The following DMD variants were observed in gnomAD, a reference collection of about 807,000 sequenced individuals.
DMD encodes mutant dystrophin.
DMD carries 63 observed loss-of-function variants against 330.1 expected under a neutral mutation model. The observed-to-expected ratio is 0.19, with a 90% CI of 0.16 to 0.24. DMD has a LOEUF of 0.24. DMD is among the 10% of genes least tolerant of loss of function. The pLI, the probability that DMD is intolerant of heterozygous loss-of-function variation, is 1.00. For missense variants in DMD, 3,344 were observed against 2,684.1 expected, an observed-to-expected ratio of 1.25 and a Z score of -5.43; for synonymous variants, 1,223 against 959.8, an observed-to-expected ratio of 1.27 and a Z score of -5.07.
intron 44 of DMD, chrX:32,151,519 A>C (rs2147166901): frequency 8.9e-6 from 1 of 111,760 alleles, no homozygotes; most frequent in East Asian, 2.8e-4. Flanking sequence ...CAGACCATGA[A>C]ACAAGACTAC....
Position 31,290,155 on chromosome X carries a change from A to C in DMD, c.9225-29139T>G, listed in dbSNP as rs903909030. 8.2e-5 allele frequency among the ~76,000 whole-genome samples: 9 copies of C among 110,007 alleles called. No homozygotes were observed. The East Asian group carries it at 2.6e-3, about 31-fold the overall frequency. On this transcript the variant is annotated intron_variant, in intron 62 of 78. Coordinates refer to ENST00000357033, the MANE Select transcript of DMD (RefSeq NM_004006.3). ...AGGCTGGTCTTGAACTCCTGGCATC[A>C]AGCAATCTACCCGCCTCGGCCTCCC... is the stretch of plus-strand genomic sequence containing the variant.
chrX:33,138,634 G>T (rs12559223), intron 1 of DMD, among the ~76,000 whole-genome samples: 4,434 of 110,766 alleles, frequency 0.04, 213 homozygotes, highest in East Asian at 0.29. Flanking sequence ...CATCTATCTT[G>T]ATTTTCCTTA....
At chrX:31,367,865 T>C (rs1269353914) in intron 60 of DMD, among the ~76,000 whole-genome samples, 1 of 112,064 alleles carries the variant, frequency 8.9e-6, no homozygotes. Context: ...CTTTGAATTC[T>C]TGTATTATTA....
At chrX:32,164,642 G>C (rs1460638491) in intron 44 of DMD, among the ~76,000 whole-genome samples, 1 of 111,772 alleles carries the variant, frequency 8.9e-6, no homozygotes, top group Non-Finnish European at 1.9e-5. Flanking sequence ...GGAGAGGCTG[G>C]CTGTAGAAAT....
At chrX:33,126,874 A>G (rs2095468466) in intron 1 of DMD, among the ~76,000 whole-genome samples, 1 of 111,570 alleles carries the variant, frequency 9.0e-6, no homozygotes, top group Non-Finnish European at 1.9e-5. Flanking sequence ...GCTTGAACTC[A>G]TAAACCATCA....
intron 60 of DMD, among the ~76,000 whole-genome samples, chrX:31,433,105 G>A (rs1468254349): frequency 8.9e-6 from 1 of 111,788 alleles, no homozygotes; most frequent in Non-Finnish European, 1.9e-5. Flanking sequence ...ACATCCATGT[G>A]TACCCAAAGG....
At chrX:32,564,810 G>A (rs2051491951) in intron 16 of DMD, among the ~76,000 whole-genome samples, 1 of 111,322 alleles carries the variant, frequency 9.0e-6, no homozygotes, top group East Asian at 2.8e-4. Context: ...CAGATGTCAG[G>A]TCTCAAGAAA....
chrX:32,863,886 C>T (rs1195236498), intron 2 of DMD, among the ~76,000 whole-genome samples: 1 of 112,099 alleles, frequency 8.9e-6, no homozygotes, highest in Non-Finnish European at 1.9e-5. Context: ...TTTATTCATT[C>T]TTTCTTCTTC....
At chrX:31,347,001 C>CAAAAAAAAAAAAAAA (rs1225596180) in intron 61 of DMD, among the ~76,000 whole-genome samples, 1 of 9,627 alleles carries the variant, frequency 1.0e-4, no homozygotes, top group Non-Finnish European at 1.7e-4. Context: ...GGCTCCCTCT[C>CAAAAAAAAAAAAAAA]AAAAAAAAAA....
chrX:32,407,232 A>G (rs2098121516), intron 30 of DMD, among the ~76,000 whole-genome samples: 3 of 111,701 alleles, frequency 2.7e-5, no homozygotes, highest in Non-Finnish European at 5.6e-5. Context: ...CTCCTCTGAC[A>G]AAGGGCTAAT....
intron 18 of DMD, chrX:32,517,299 A>G (rs1468826347): frequency 1.8e-5 from 2 of 112,300 alleles, no homozygotes; most frequent in African/African-American, 3.2e-5. Context: ...CCAATCATAT[A>G]CAAAGATGCA....
At chrX:32,998,913 A>G (rs2093201240) in intron 2 of DMD, among the ~76,000 whole-genome samples, 1 of 112,063 alleles carries the variant, frequency 8.9e-6, no homozygotes, top group Admixed American at 9.5e-5. Context: ...AATGGTGGGC[A>G]AAGTCTCTTC....
At chrX:31,294,820 C>T (rs1187091261) in intron 62 of DMD, among the ~76,000 whole-genome samples, 1 of 111,586 alleles carries the variant, frequency 9.0e-6, no homozygotes, top group Non-Finnish European at 1.9e-5. Context: ...CATTCTGAAT[C>T]TATTTCCCCA....
At chrX:33,313,008 T>C (rs1448377614) in intron 1 of DMD, among the ~76,000 whole-genome samples, 1 of 111,371 alleles carries the variant, frequency 9.0e-6, no homozygotes, top group Non-Finnish European at 1.9e-5. Flanking sequence ...AGGACACTTG[T>C]TTACCGTATG....
At position 33,301,972 on chromosome X, in the gene DMD, T is replaced by G. The variant is rs144186535; in HGVS notation, c.7+37287A>C. ...CATGTAAGATATTAAGTTTTAATAT[T>G]TTGAAAAATTTTATTTTAATATTCA... On this transcript the variant is annotated intron_variant, in intron 1 of 17. Transcript: ENST00000288447. 1.5e-3 allele frequency among the ~76,000 whole-genome samples: 172 copies of G among 112,086 alleles called. No individual in the cohort carries two copies. In the East Asian group the frequency reaches 0.042, roughly 28 times the overall value.
chrX:31,529,811 T>C (rs750456714), intron 55 of DMD, among the ~76,000 whole-genome samples: 5 of 110,888 alleles, frequency 4.5e-5, no homozygotes, highest in South Asian at 3.9e-4. Context: ...AGAAAACACT[T>C]TGTGAGCCTG....
At chrX:32,930,856 T>C (rs1424309796) in intron 2 of DMD, among the ~76,000 whole-genome samples, 1 of 110,073 alleles carries the variant, frequency 9.1e-6, no homozygotes, top group African/African-American at 3.3e-5. Context: ...TGCTACATTC[T>C]CTATGACACA....
At chrX:31,724,401 G>GT (rs1044770909) in intron 52 of DMD, among the ~76,000 whole-genome samples, 5 of 110,681 alleles carry the variant, frequency 4.5e-5, no homozygotes, top group African/African-American at 9.8e-5. Flanking sequence ...TGTGAGAGAT[G>GT]TTTTTTTTTA....
intron 62 of DMD, among the ~76,000 whole-genome samples, chrX:31,292,744 A>G (rs756990578): frequency 5.3e-5 from 6 of 112,453 alleles, no homozygotes; most frequent in African/African-American, 1.3e-4. Flanking sequence ...AAATTATAGT[A>G]TACATTTTAA....
Sources: allele counts gnomAD v4.1 joint callset (sites outside exome capture counted in the v4.1 genomes callset), GRCh38; gene constraint gnomAD v4.1.1; transcripts MANE v1.5; gene names NCBI Gene and HGNC (gene_info 2026-07-23, HGNC 2026-07-21).